KIF13A: variants seen among roughly 807,000 people sequenced by gnomAD.
KIF13A encodes kinesin-like protein KIF13A.
Under a neutral mutation model 212.2 loss-of-function variants are expected in KIF13A, and 79 were observed. The observed-to-expected ratio is 0.37, with a 90% CI of 0.31 to 0.45. The LOEUF (loss-of-function observed/expected upper bound fraction) is 0.45. KIF13A is among the 20% of genes least tolerant of loss of function. The pLI, the probability that KIF13A is intolerant of heterozygous loss-of-function variation, is 1.00. For missense variants in KIF13A, 1,901 were observed against 2,209.0 expected, an observed-to-expected ratio of 0.86 and a Z score of 2.79; for synonymous variants, 789 against 808.6, an observed-to-expected ratio of 0.98 and a Z score of 0.41.
chr6:17,910,087 C>T (rs1378008678), intron 2 of KIF13A, among the ~76,000 whole-genome samples: 1 of 152,158 alleles, frequency 6.6e-6, no homozygotes, highest in Non-Finnish European at 1.5e-5. Context: ...ATGTAAGGTA[C>T]AATACAGCTC....
rs1766115321 is a variant in KIF13A, at chr6:17,837,847, G to C, written c.831-264C>G. 6.6e-6 allele frequency among the ~76,000 whole-genome samples: 1 copy of C among 152,028 alleles called. No homozygotes were observed. The highest frequency in any genetic ancestry group is 1.5e-5 in the Non-Finnish European group (1 of 68,016). ...AGGTGCCTGTAATCCCAGCTACTTG[G>C]GAGGCTGAAGCAGGAGAATCTCTGG... is the stretch of plus-strand genomic sequence containing the variant. On this transcript the variant is annotated intron_variant, in intron 9 of 38. Transcript: ENST00000259711. The surrounding 1 kb of genome is among the most constrained non-coding windows in gnomAD (Gnocchi z 5.4).
At position 17,817,220 on chromosome 6, in the gene KIF13A, A is replaced by G; in HGVS notation, c.1800T>C (p.Asn600=). Residue 600 remains asparagine, a synonymous_variant, in exon 17 of 39, where the codon AAT becomes AAC. Transcript: ENST00000259711. ...ATTGTTTCTCCAGGACCTGAACCAC[A>G]TTTTGAACTGGGTCTAGTGAGCCAA... ...KTLNSNDPVQ[N]VVQVLEKQYL... is the part of the protein sequence containing the mutation. The G allele has an allele frequency of 3.1e-6, 5 of 1,613,938 alleles. No homozygotes were observed. The highest frequency in any genetic ancestry group is 4.2e-6 in the Non-Finnish European group (5 of 1,179,862).
chr6:17,772,171 T>C lies in KIF13A; in HGVS notation c.4325-112A>G. ...ATATCTGGGAGAACAATGAAATTCA[T>C]AGGCTAATATTTGGCTAAGCATTAA... On this transcript the variant is annotated intron_variant, in intron 36 of 38. Coordinates refer to ENST00000259711, the MANE Select transcript of KIF13A (RefSeq NM_022113.6). The surrounding 1 kb of genome is among the most constrained non-coding windows in gnomAD (Gnocchi z 4.8). 9.9e-7 allele frequency: 1 copy of C among 1,011,988 alleles called. No homozygotes were observed. The highest frequency in any genetic ancestry group is 2.5e-5 in the Admixed American group (1 of 40,496). The allele number at this position is 1,011,988 out of a possible 1,614,324, so 62.7% of individuals were successfully genotyped here. A position where few individuals can be genotyped will look rare whatever the true frequency, so the allele number is the denominator to read the frequency against.
At position 17,789,632 on chromosome 6, in the gene KIF13A, A is replaced by AT. The variant is rs1761363769; in HGVS notation, c.3261+239_3261+240insA. Among the ~76,000 whole-genome samples the AT allele has an allele frequency of 2.0e-5, 3 of 152,218 alleles. No homozygotes were observed. Among genetic ancestry groups the AT allele is most frequent in the Admixed American group, 6.5e-5 (1 of 15,284 alleles). On this transcript the variant is annotated intron_variant, in intron 26 of 38. Coordinates refer to ENST00000259711, the MANE Select transcript of KIF13A (RefSeq NM_022113.6). The surrounding 1 kb of genome is among the most constrained non-coding windows in gnomAD (Gnocchi z 4.8). The stretch of plus-strand genomic sequence containing the variant: ...GTGATAATGGTCTTGCTTAGCAATA[A>AT]GCCAGTAAATCGAGATGGCATAGCA...
At chr6:17,909,536 GAAAAA>G (rs1210023829) in intron 2 of KIF13A, among the ~76,000 whole-genome samples, 1 of 94,038 alleles carries the variant, frequency 1.1e-5, no homozygotes, top group Non-Finnish European at 2.2e-5. Flanking sequence ...CTCTGTCTCA[GAAAAA>G]AAAAAAAGGA....
Position 17,834,102 on chromosome 6 carries a change from T to A in KIF13A, c.1156-31A>T. The A allele has an allele frequency of 7.2e-7, 1 of 1,396,440 alleles. No homozygotes were observed. Among genetic ancestry groups the A allele is most frequent in the Non-Finnish European group, 9.8e-7 (1 of 1,024,168 alleles). 86.5% of individuals were successfully genotyped at this position (1,396,440 alleles called of 1,614,324 possible). On this transcript the variant is annotated intron_variant, in intron 11 of 38. Coordinates refer to ENST00000259711, the MANE Select transcript of KIF13A (RefSeq NM_022113.6). This position sits in a 1 kb window ranked among gnomAD's most constrained non-coding sequence, Gnocchi z 4.0. ...AAATGAAATCAGAGATATCTGATGTTCAAAATTTTTCCACCATCATATACA... is the reference window on the plus strand; with the variant it reads ...AAATGAAATCAGAGATATCTGATGTACAAAATTTTTCCACCATCATATACA...
chr6:17,958,484 A>T (rs1464888016), intron 2 of KIF13A, among the ~76,000 whole-genome samples: 1 of 152,222 alleles, frequency 6.6e-6, no homozygotes, highest in East Asian at 1.9e-4. Flanking sequence ...TAAATAGGCA[A>T]ATACACAGTC....
Position 17,982,535 on chromosome 6 carries a change from T to C in KIF13A, c.146+4519A>G, listed in dbSNP as rs1274466782. The C allele has an allele frequency of 1.8e-6, 1 of 543,898 alleles. No homozygotes were observed. Among genetic ancestry groups the C allele is most frequent in the African/African-American group, 2.1e-5 (1 of 48,316 alleles). 33.7% of individuals were successfully genotyped at this position (543,898 alleles called of 1,614,324 possible). ...TCCCTCACACGATTTGCAAGGTGTATTGTTCATCCTGCCATATGGAAAAAA... is the reference window on the plus strand; with the variant it reads ...TCCCTCACACGATTTGCAAGGTGTACTGTTCATCCTGCCATATGGAAAAAA... On this transcript the variant is annotated intron_variant, in intron 2 of 38. Coordinates refer to ENST00000259711, the MANE Select transcript of KIF13A (RefSeq NM_022113.6). The surrounding 1 kb of genome is among the most constrained non-coding windows in gnomAD (Gnocchi z 5.1).
intron 4 of KIF13A, among the ~76,000 whole-genome samples, chr6:17,863,370 T>C (rs145344469): frequency 4.5e-4 from 67 of 148,940 alleles, no homozygotes; most frequent in African/African-American, 1.7e-3. Context: ...GAAAAATACT[T>C]TCTTTTTTTT....
chr6:17,762,789 A>T (rs1413667669), downstream of KIF13A, among the ~76,000 whole-genome samples: 4 of 152,188 alleles, frequency 2.6e-5, no homozygotes, highest in Non-Finnish European at 4.4e-5. Context: ...CGGGGAAGGA[A>T]GTCTTTTTCT....
intron 2 of KIF13A, among the ~76,000 whole-genome samples, chr6:17,908,493 A>AT (rs1447474788): frequency 6.6e-6 from 1 of 152,112 alleles, no homozygotes; most frequent in Non-Finnish European, 1.5e-5. Flanking sequence ...AGTCCCAGCT[A>AT]TTCAGGAGGC....
intron 9 of KIF13A, among the ~76,000 whole-genome samples, chr6:17,840,914 G>A (rs539370581): frequency 5.3e-5 from 8 of 151,994 alleles, no homozygotes; most frequent in Non-Finnish European, 1.2e-4. Flanking sequence ...ATTTGTAGAG[G>A]TGTCTCCCTC....
intron 31 of KIF13A, among the ~76,000 whole-genome samples, chr6:17,780,050 A>G (rs2150305970): frequency 6.6e-6 from 1 of 152,284 alleles, no homozygotes; most frequent in Non-Finnish European, 1.5e-5. Flanking sequence ...CCAGCCAGTT[A>G]TTTTGTATTT....
chr6:17,944,822 AC>A (rs1297759590), intron 2 of KIF13A, among the ~76,000 whole-genome samples: 1 of 152,186 alleles, frequency 6.6e-6, no homozygotes, highest in Non-Finnish European at 1.5e-5. Context: ...GGGAAAAAAA[AC>A]TATCATTAGC....
chr6:17,899,850 T>C lies in KIF13A; in HGVS notation c.147-1670A>G, dbSNP rs1772900572. ...AATAAAAATGCACAAGTGTTTTTAATTCTAAGGAAGTCATGGATTTCCATT... is the reference window on the plus strand; with the variant it reads ...AATAAAAATGCACAAGTGTTTTTAACTCTAAGGAAGTCATGGATTTCCATT... On this transcript the variant is annotated intron_variant, in intron 2 of 38. Transcript: ENST00000259711. This position sits in a 1 kb window ranked among gnomAD's most constrained non-coding sequence, Gnocchi z 5.2. Among the ~76,000 whole-genome samples the C allele has an allele frequency of 6.6e-6, 1 of 152,236 alleles. No homozygotes were observed. The highest frequency in any genetic ancestry group is 1.5e-5 in the Non-Finnish European group (1 of 68,038).
chr6:17,770,561 G>A (rs1209253751), intron 38 of KIF13A: 1 of 152,498 alleles, frequency 6.6e-6, no homozygotes, highest in East Asian at 1.9e-4. Context: ...TGGCACCAAG[G>A]TATTGGAATA....
intron 2 of KIF13A, among the ~76,000 whole-genome samples, chr6:17,978,049 G>T (rs1177111290): frequency 2.0e-5 from 3 of 152,206 alleles, no homozygotes; most frequent in African/African-American, 7.2e-5. Context: ...ATGACTCACC[G>T]AATTGTTAAT....
At chr6:17,822,837 T>C (rs971912712) in intron 16 of KIF13A, among the ~76,000 whole-genome samples, 2 of 152,208 alleles carry the variant, frequency 1.3e-5, no homozygotes, top group Non-Finnish European at 2.9e-5. Flanking sequence ...CACTTCGAAA[T>C]GTCTCTGGGA....
Position 17,888,685 on chromosome 6 carries a change from C to T in KIF13A, c.159+9483G>A, listed in dbSNP as rs574859078. Among the ~76,000 whole-genome samples, 5 of 152,032 alleles carry T rather than the reference C, an allele frequency of 3.3e-5. No individual in the cohort carries two copies. The East Asian group carries it at 7.8e-4, about 24-fold the overall frequency. The stretch of plus-strand genomic sequence containing the variant: ...CCAAAAAATACAAAAATTAGCTGGG[C>T]GTGGTGGCACAGGCCTGTAGTCCCA... On this transcript the variant is annotated intron_variant, in intron 3 of 38. Transcript: ENST00000259711. The surrounding 1 kb of genome is among the most constrained non-coding windows in gnomAD (Gnocchi z 4.8).
Sources: allele counts gnomAD v4.1 joint callset (sites outside exome capture counted in the v4.1 genomes callset), GRCh38; gene constraint gnomAD v4.1.1; non-coding constraint Gnocchi (gnomAD v3.1); transcripts MANE v1.5; gene names NCBI Gene and HGNC (gene_info 2026-07-23, HGNC 2026-07-21).